Variants in LYRM4 observed in about 807,000 individuals in gnomAD.
LYRM4 encodes LYR motif-containing protein 4.
A neutral mutation model predicts 11.7 loss-of-function variants in LYRM4; 9 were observed. That is an observed-to-expected ratio of 0.77 (90% CI 0.46 to 1.34). LYRM4 has a LOEUF of 1.34. Ranked by LOEUF, LYRM4 falls within the 40% of genes most tolerant of loss-of-function variation. The probability of loss-of-function intolerance (pLI) is 0.00; values close to 1 mark genes in which losing one functional copy is unlikely to be tolerated. For synonymous variants in LYRM4, 42 were observed against 40.4 expected (o/e 1.04, Z -0.15); for missense variants, 133 against 112.5 (o/e 1.18, Z -0.82).
intron 2 of LYRM4, among the ~76,000 whole-genome samples, chr6:5,151,221 C>T (rs535214824): frequency 1.3e-5 from 2 of 151,864 alleles, no homozygotes; most frequent in Non-Finnish European, 2.9e-5. Context: ...GTAGCTGGGA[C>T]TACAGATGCG....
At chr6:5,217,257 C>T (rs1762326898) in intron 1 of LYRM4, among the ~76,000 whole-genome samples, 1 of 152,242 alleles carries the variant, frequency 6.6e-6, no homozygotes, top group African/African-American at 2.4e-5. Context: ...CTGGCTCTCA[C>T]TTCCCTTTCT....
At chr6:5,223,187 T>C (rs1379282832) in intron 1 of LYRM4, among the ~76,000 whole-genome samples, 1 of 152,210 alleles carries the variant, frequency 6.6e-6, no homozygotes, top group East Asian at 1.9e-4. Context: ...GATAAGCACA[T>C]CCTCAGATAC....
chr6:5,058,769 T>G, the LYRM4 span, among the ~76,000 whole-genome samples: 1 of 152,104 alleles, frequency 6.6e-6, no homozygotes. Flanking sequence ...CCACTATTTT[T>G]ATATATATAT....
chr6:5,170,087 T>A (rs763039759), intron 2 of LYRM4, among the ~76,000 whole-genome samples: 2 of 152,174 alleles, frequency 1.3e-5, no homozygotes, highest in Non-Finnish European at 2.9e-5. Flanking sequence ...TTGGCTACAG[T>A]GTACAGTGTT....
At chr6:5,151,851 T>G (rs1758107820) in intron 2 of LYRM4, among the ~76,000 whole-genome samples, 1 of 152,302 alleles carries the variant, frequency 6.6e-6, no homozygotes, top group Admixed American at 6.5e-5. Flanking sequence ...GAGGGAGGCT[T>G]AACAAATAGA....
At chr6:5,198,743 T>C (rs2127701663) in intron 2 of LYRM4, among the ~76,000 whole-genome samples, 1 of 152,318 alleles carries the variant, frequency 6.6e-6, no homozygotes, top group South Asian at 2.1e-4. Context: ...TGGCCTAAGG[T>C]CCATGTCCAT....
chr6:5,113,382 C>T (rs1322674365), intron 2 of LYRM4: 1 of 432,172 alleles, frequency 2.3e-6, no homozygotes, highest in Admixed American at 2.5e-5. Flanking sequence ...CACGCCACTG[C>T]ACTCCAGCCT....
At chr6:5,100,436 G>A (rs973572327), downstream of LYRM4, among the ~76,000 whole-genome samples, 9 of 152,140 alleles carry the variant, frequency 5.9e-5, no homozygotes, top group Admixed American at 2.0e-4. Context: ...GAAGATGACT[G>A]CTCTGGACCT....
intron 2 of LYRM4, among the ~76,000 whole-genome samples, chr6:5,177,675 G>A (rs543973195): frequency 7.9e-5 from 12 of 152,206 alleles, no homozygotes; most frequent in Admixed American, 1.3e-4. Context: ...GGTTATTTCC[G>A]TGACTAATAA....
At position 5,229,027 on chromosome 6, in the gene LYRM4, G is replaced by C. The variant is rs199906194; in HGVS notation, c.87-12289C>G. 3.7e-3 allele frequency among the ~76,000 whole-genome samples: 441 copies of C among 120,410 alleles called. 13 individuals are homozygous for C. Among genetic ancestry groups the C allele is most frequent in the Admixed American group, 0.025 (305 of 12,176 alleles). 79.0% of individuals were successfully genotyped at this position (120,410 alleles called of 152,430 possible). ...TCAAAAAAAAAAAAAAAAAAAAAAA[G>C]AATATTTCCTAATAGCCCAGAAAAG... On this transcript the variant is annotated intron_variant, in intron 1 of 2. Coordinates refer to ENST00000330636, the MANE Select transcript of LYRM4 (RefSeq NM_020408.6).
intron 1 of LYRM4, among the ~76,000 whole-genome samples, chr6:5,255,840 G>A (rs899404117): frequency 2.0e-5 from 3 of 152,068 alleles, no homozygotes; most frequent in South Asian, 2.1e-4. Context: ...AACCAAAAAC[G>A]TCTTCAGATA....
chr6:5,199,009 A>G (rs1761230961), intron 2 of LYRM4, among the ~76,000 whole-genome samples: 1 of 152,208 alleles, frequency 6.6e-6, no homozygotes. Flanking sequence ...AATTCCTCAA[A>G]AAGTTCAAAC....
At chr6:5,260,610 G>GGCCCCCC in intron 1 of LYRM4, 38 bp downstream of exon 1, 1 of 1,343,012 alleles carries the variant, frequency 7.4e-7, no homozygotes, top group South Asian at 1.3e-5. Flanking sequence ...CCCGGCCCCT[G>GGCCCCCC]GCCCCCCGCC....
the LYRM4 span, among the ~76,000 whole-genome samples, chr6:5,052,748 A>T: frequency 6.6e-6 from 1 of 152,248 alleles, no homozygotes; most frequent in African/African-American, 2.4e-5. Flanking sequence ...TGTTATGCAT[A>T]TTTACAATCT....
the LYRM4 span, among the ~76,000 whole-genome samples, chr6:5,045,454 C>T: frequency 6.6e-6 from 1 of 152,096 alleles, no homozygotes; most frequent in Non-Finnish European, 1.5e-5. Context: ...TGGCCAGGGA[C>T]TCGGGGAGAG....
chr6:5,165,832 C>T (rs572818057), intron 2 of LYRM4, among the ~76,000 whole-genome samples: 4 of 152,148 alleles, frequency 2.6e-5, no homozygotes, highest in African/African-American at 4.8e-5. Flanking sequence ...CGTGAGCCAC[C>T]GCGCCCGGCC....
intron 2 of LYRM4, among the ~76,000 whole-genome samples, chr6:5,173,823 T>C (rs1258351131): frequency 1.3e-5 from 2 of 152,236 alleles, no homozygotes; most frequent in African/African-American, 4.8e-5. Flanking sequence ...TTTTAAAATA[T>C]AGCCGTAACC....
intron 1 of LYRM4, among the ~76,000 whole-genome samples, chr6:5,227,757 G>C (rs2127738134): frequency 6.6e-6 from 1 of 152,216 alleles, no homozygotes; most frequent in East Asian, 1.9e-4. Flanking sequence ...GTGATAGGCT[G>C]GATAAGAAAA....
the LYRM4 span, chr6:5,032,244 T>C: frequency 6.6e-6 from 1 of 152,200 alleles, no homozygotes; most frequent in Non-Finnish European, 1.5e-5. Flanking sequence ...TAATAAGGGA[T>C]AAGCGGTTCC....
Sources: gnomAD v4.1 joint callset for allele counts (sites outside exome capture counted in the v4.1 genomes callset) on GRCh38, gnomAD v4.1.1 for gene constraint, MANE v1.5 for transcripts, NCBI Gene and HGNC (gene_info 2026-07-23, HGNC 2026-07-21) for gene names.